The following CENPE variants were observed in gnomAD, a reference collection of about 807,000 sequenced individuals.
CENPE encodes centromere-associated protein E.
Under a neutral mutation model 336.1 loss-of-function variants are expected in CENPE, and 145 were observed. The ratio of observed to expected loss-of-function variants is 0.43; its 90% CI spans 0.38 to 0.50. The LOEUF (loss-of-function observed/expected upper bound fraction) is 0.50, where lower values mean the gene tolerates loss of function less well. CENPE is among the 20% of genes least tolerant of loss of function. The pLI, the probability that CENPE is intolerant of heterozygous loss-of-function variation, is 0.00. For missense variants in CENPE, 2,719 were observed against 3,023.3 expected (o/e 0.90, Z 2.36); for synonymous variants, 1,013 against 984.8 (o/e 1.03, Z -0.54).
At chr4:103,132,426 AAGG>A (rs1268788580) in intron 42 of CENPE, among the ~76,000 whole-genome samples, 1 of 152,154 alleles carries the variant, frequency 6.6e-6, no homozygotes, top group Non-Finnish European at 1.5e-5. Flanking sequence ...AAGCAGTGAG[AAGG>A]AGAAGAAAAA....
At chr4:103,116,798 C>A in intron 44 of CENPE, 109 bp from the exon 45 acceptor site, 2 of 550,010 alleles carry the variant, frequency 3.6e-6, no homozygotes, top group African/African-American at 2.0e-5. Flanking sequence ...TTTAAAATAG[C>A]AAACAATTCC....
At chr4:103,185,047 G>C (rs1198459672) in intron 9 of CENPE, among the ~76,000 whole-genome samples, 2 of 152,106 alleles carry the variant, frequency 1.3e-5, no homozygotes, top group Non-Finnish European at 2.9e-5. Context: ...GCTCACACTT[G>C]TAATCCCAGA....
chr4:103,149,495 A>T (rs1753364361), intron 26 of CENPE, 87 bp from the exon 27 acceptor site: 10 of 1,155,284 alleles, frequency 8.7e-6, no homozygotes, highest in Non-Finnish European at 1.2e-5. Flanking sequence ...GCCTCCTATC[A>T]GCATATAAAT....
intron 14 of CENPE, 130 bp downstream of exon 14, chr4:103,176,768 TC>T: frequency 1.5e-6 from 1 of 653,770 alleles, no homozygotes; most frequent in Non-Finnish European, 2.3e-6. Context: ...AATCATAGTC[TC>T]CATTGTAATC....
Position 103,163,370 on chromosome 4 carries a change from T to A in CENPE, c.1722+109A>T, listed in dbSNP as rs73837650. The A allele has an allele frequency of 0.014, 18,239 of 1,276,570 alleles. 1,867 individuals carry two copies. The African/African-American group carries it at 0.23, about 16-fold the overall frequency. The allele number at this position is 1,276,570 out of a possible 1,614,324, so 79.1% of individuals were successfully genotyped here. On this transcript the variant is annotated intron_variant, in intron 17 of 48. Coordinates refer to ENST00000265148, the MANE Select transcript of CENPE (RefSeq NM_001813.3). The stretch of plus-strand genomic sequence containing the variant: ...TCATAGTAAAATTCAAAGTCACTAA[T>A]ATTTTAAAAACATAATTCCCTTATT...
At chr4:103,162,327 G>T (rs1007161360) in intron 18 of CENPE, among the ~76,000 whole-genome samples, 4 of 151,658 alleles carry the variant, frequency 2.6e-5, no homozygotes, top group Non-Finnish European at 4.4e-5. Context: ...AAAAAAAAAA[G>T]TATTAAAAAC....
chr4:103,139,972 C>T lies in CENPE; in HGVS notation c.6021G>A (p.Glu2007=), dbSNP rs1244144299. Residue 2007 remains glutamate, a synonymous_variant, in exon 38 of 49, where the codon GAG becomes GAA. Coordinates refer to ENST00000265148, the MANE Select transcript of CENPE (RefSeq NM_001813.3). ...CACTTTGCATAGATAAGTTTTGGGC[C>T]TCAAATTGCTTCTTCAACTGTTCCA... The part of the protein sequence containing the change: ...NEMEQLKKQF[E]AQNLSMQSVR... 19 of 1,613,164 alleles carry T rather than the reference C, an allele frequency of 1.2e-5. No individual in the cohort carries two copies. Among genetic ancestry groups the T allele is most frequent in the Non-Finnish European group, 1.6e-5 (19 of 1,179,632 alleles).
At chr4:103,123,386 T>C (rs1406130906) in intron 42 of CENPE, among the ~76,000 whole-genome samples, 1 of 152,186 alleles carries the variant, frequency 6.6e-6, no homozygotes, top group Non-Finnish European at 1.5e-5. Flanking sequence ...TGCTGCTGTA[T>C]TGCAGTACTT....
At chr4:103,185,044 C>T (rs1429980546) in intron 9 of CENPE, among the ~76,000 whole-genome samples, 1 of 152,110 alleles carries the variant, frequency 6.6e-6, no homozygotes, top group African/African-American at 2.4e-5. Flanking sequence ...GTGGCTCACA[C>T]TTGTAATCCC....
In CENPE at chr4:103,144,320, T is replaced by C; in HGVS notation, c.5145+11A>G. 1.3e-6 allele frequency: 2 copies of C among 1,584,052 alleles called. No individual in the cohort carries two copies. Among genetic ancestry groups the C allele is most frequent in the Non-Finnish European group, 1.7e-6 (2 of 1,164,840 alleles). On this transcript the variant is annotated intron_variant, in intron 33 of 48. Coordinates refer to ENST00000265148, the MANE Select transcript of CENPE (RefSeq NM_001813.3). ...CATAGTTACTAGAGGTGTAGAGAGATGGTAACTCACTCTAGTTATAGTTTC... is the reference window on the plus strand; with the variant it reads ...CATAGTTACTAGAGGTGTAGAGAGACGGTAACTCACTCTAGTTATAGTTTC...
At chr4:103,175,318 TATAAG>T (rs1755764276) in intron 15 of CENPE, among the ~76,000 whole-genome samples, 2 of 151,968 alleles carry the variant, frequency 1.3e-5, no homozygotes, top group South Asian at 2.1e-4. Flanking sequence ...TCTATATTAT[TATAAG>T]AGAAGAGATA....
rs775700364 is a variant in CENPE, at chr4:103,140,073, C to T, written c.5920G>A (p.Glu1974Lys). The T allele has an allele frequency of 6.3e-7, 1 of 1,597,876 alleles. No individual in the cohort carries two copies. Among genetic ancestry groups the T allele is most frequent in the African/African-American group, 1.4e-5 (1 of 73,818 alleles). The part of the protein sequence containing the change: ...SKDELQKKIQ[E>K]LQKKELQLLR... ...AGTTGAAGTTCTTTTTTCTGAAGTT[C>T]TTGGATCTTGAGATAATTGTAAAAC... is the stretch of plus-strand genomic sequence containing the variant. The change falls in exon 38 of 49, where the codon GAA (glutamate) becomes AAA (lysine). Residue 1974 changes from glutamate to lysine, a missense_variant. By Grantham distance (56) the Glu-to-Lys change is moderately conservative (BLOSUM62 1). Transcript: ENST00000265148.
intron 48 of CENPE, 43 bp downstream of exon 48, chr4:103,108,760 A>G (rs1364246799): frequency 1.3e-6 from 2 of 1,558,936 alleles, no homozygotes. Context: ...ATAAGTTCCA[A>G]CTGTTACCCT....
rs765081918 is a variant in CENPE, at chr4:103,149,310, A to C, written c.3495T>G (p.Asn1165Lys). 6 of 1,611,512 alleles carry C rather than the reference A, an allele frequency of 3.7e-6. No individual in the cohort carries two copies. Among genetic ancestry groups the C allele is most frequent in the Non-Finnish European group, 5.1e-6 (6 of 1,179,288 alleles). Residue 1165 changes from asparagine (N) to lysine (K), a missense_variant, in exon 27 of 49, where the codon AAT (asparagine) becomes AAG (lysine). By Grantham distance (94) the Asn-to-Lys change is moderately conservative. Coordinates refer to ENST00000265148, the MANE Select transcript of CENPE (RefSeq NM_001813.3). ...ATGTCAATTCTTTGTTCTTTAATTC[A>C]TTCTTTAAATTCTCTATTTCATTAA... ...KKINEIENLK[N>K]ELKNKELTLE...
intron 9 of CENPE, among the ~76,000 whole-genome samples, chr4:103,184,122 T>C (rs72665093): frequency 0.15 from 22,248 of 152,038 alleles, 1,936 homozygotes; most frequent in South Asian, 0.31. Flanking sequence ...GGTGCATTAA[T>C]TAGCTATTGC....
chr4:103,107,597 G>A (rs886708014), intron 48 of CENPE, among the ~76,000 whole-genome samples: 4 of 152,154 alleles, frequency 2.6e-5, no homozygotes, highest in African/African-American at 7.2e-5. Context: ...AAGAAATGCC[G>A]TGTTACCGTT....
rs1352101008 is a variant in CENPE, at chr4:103,196,822, C to T, written c.85G>A (p.Val29Ile). The T allele has an allele frequency of 4.4e-6, 7 of 1,594,888 alleles. No individual in the cohort carries two copies. In the African/African-American group the frequency reaches 9.4e-5, roughly 21 times the overall value. Residue 29 changes from valine to isoleucine, a missense_variant, in exon 2 of 49, where the codon GTT (valine) becomes ATT (isoleucine). By Grantham distance (29) the Val-to-Ile change is conservative. Transcript: ENST00000265148. ...REESLGETAQVYWKTDNNVIY... is the reference protein window; with the variant it reads ...REESLGETAQIYWKTDNNVIY... ...ACATTATTGTCAGTTTTCCAGTAAA[C>T]TTGGGCAGTTTCTCCAAGTGATTCT...
rs754690682 is a variant in CENPE, at chr4:103,158,427, G to A, written c.2906C>T (p.Ala969Val). Residue 969 changes from alanine to valine, a missense_variant, in exon 24 of 49, where the codon GCT becomes GTT. Transcript: ENST00000265148. ...NIDTQEQLRNALESLKQHQET... is the reference protein window; with the variant it reads ...NIDTQEQLRNVLESLKQHQET... ...TTGATGTTGTTTCAGAGACTCAAGA[G>A]CATTTCGTAATTGTTCTTGAGTATC... 4.4e-6 allele frequency: 7 copies of A among 1,596,164 alleles called. No individual in the cohort carries two copies. The highest frequency in any genetic ancestry group is 3.4e-5 in the South Asian group (3 of 88,116).
At chr4:103,132,566 A>T in intron 42 of CENPE, 127 bp downstream of exon 42, 1 of 463,118 alleles carries the variant, frequency 2.2e-6, no homozygotes, top group East Asian at 3.6e-5. Flanking sequence ...AACACGTTTT[A>T]TCAAATCAAT....
Sources: allele counts gnomAD v4.1 joint callset (sites outside exome capture counted in the v4.1 genomes callset), GRCh38; gene constraint gnomAD v4.1.1; transcripts MANE v1.5; gene names NCBI Gene and HGNC (gene_info 2026-07-23, HGNC 2026-07-21).